CTNNA3: variants seen among roughly 807,000 people sequenced by gnomAD.
CTNNA3 encodes the protein catenin alpha 3.
Under a neutral mutation model 95.7 loss-of-function variants are expected in CTNNA3, and 76 were observed. The ratio of observed to expected loss-of-function variants is 0.79; its 90% confidence interval spans 0.66 to 0.96. The LOEUF (loss-of-function observed/expected upper bound fraction) is 0.96, where lower values mean the gene tolerates loss of function less well. Among genes scored for constraint, CTNNA3 ranks in the 40% least tolerant of loss-of-function variants. CTNNA3 has a pLI of 0.00. For synonymous variants in CTNNA3, 431 were observed against 374.4 expected (o/e 1.15, Z -1.74); for missense variants, 1,191 against 1,089.8 (o/e 1.09, Z -1.31).
chr10:67,051,841 G>A (rs373705761), intron 7 of CTNNA3, among the ~76,000 whole-genome samples: 1 of 151,636 alleles, frequency 6.6e-6, no homozygotes, highest in African/African-American at 2.4e-5. Flanking sequence ...TGCAACCTCT[G>A]CCTCAGGGGT....
At chr10:67,444,382 AAC>A (rs939392291) in intron 5 of CTNNA3, among the ~76,000 whole-genome samples, 1 of 152,130 alleles carries the variant, frequency 6.6e-6, no homozygotes, top group Non-Finnish European at 1.5e-5. Context: ...AAACCTGTAA[AAC>A]ACAGTGAAAG....
intron 3 of CTNNA3, among the ~76,000 whole-genome samples, chr10:67,580,965 C>T (rs1251756459): frequency 6.6e-6 from 1 of 152,070 alleles, no homozygotes; most frequent in Non-Finnish European, 1.5e-5. Flanking sequence ...TGGGCTGAGA[C>T]AATGGGGTTT....
chr10:66,793,237 G>A lies in CTNNA3; in HGVS notation c.1048-17713C>T, dbSNP rs115494861. The stretch of plus-strand genomic sequence containing the variant: ...CTCACTGCAGCCTCGACCTTCCCAG[G>A]TGCAGGTGATCCTCCCACCTTAGCC... On this transcript the variant is annotated intron_variant, in intron 7 of 17. Transcript: ENST00000433211. 4.6e-3 allele frequency among the ~76,000 whole-genome samples: 693 copies of A among 152,148 alleles called. 4 individuals carry two copies. The highest frequency in any genetic ancestry group is 0.016 in the African/African-American group (676 of 41,522).
At chr10:67,167,322 C>A (rs1308170593) in intron 7 of CTNNA3, among the ~76,000 whole-genome samples, 1 of 152,004 alleles carries the variant, frequency 6.6e-6, no homozygotes, top group Non-Finnish European at 1.5e-5. Flanking sequence ...GCTAGGAATG[C>A]AGCTCTATCA....
At chr10:66,420,408 T>C (rs1052387016) in intron 11 of CTNNA3, among the ~76,000 whole-genome samples, 3 of 152,116 alleles carry the variant, frequency 2.0e-5, no homozygotes, top group African/African-American at 7.2e-5. Flanking sequence ...TGTCTATTAT[T>C]AAAAACGCAG....
chr10:66,589,532 A>G (rs1843475507), intron 10 of CTNNA3, among the ~76,000 whole-genome samples: 1 of 152,120 alleles, frequency 6.6e-6, no homozygotes, highest in African/African-American at 2.4e-5. Flanking sequence ...TTGTGCATCA[A>G]CATCAAGGAG....
chr10:66,604,542 C>A (rs1755916673), intron 10 of CTNNA3, among the ~76,000 whole-genome samples: 1 of 152,122 alleles, frequency 6.6e-6, no homozygotes, highest in Non-Finnish European at 1.5e-5. Context: ...TTGGCTGACA[C>A]CACCCATCAG....
intron 13 of CTNNA3, among the ~76,000 whole-genome samples, chr10:66,269,421 T>C (rs1010528427): frequency 6.6e-6 from 1 of 152,188 alleles, no homozygotes. Flanking sequence ...AAAGAAGATA[T>C]ATAAAAATCC....
chr10:66,356,374 C>A (rs1021952809), intron 12 of CTNNA3, among the ~76,000 whole-genome samples: 1 of 151,546 alleles, frequency 6.6e-6, no homozygotes, highest in African/African-American at 2.4e-5. Context: ...CTTTGACTAG[C>A]GTTTTGTAGT....
intron 13 of CTNNA3, among the ~76,000 whole-genome samples, chr10:66,177,744 C>G (rs2085793565): frequency 6.6e-6 from 1 of 151,826 alleles, no homozygotes; most frequent in African/African-American, 2.4e-5. Flanking sequence ...CTGTGATTTA[C>G]CCAGAATCTA....
At chr10:66,475,046 T>C (rs1170375220) in intron 11 of CTNNA3, among the ~76,000 whole-genome samples, 2 of 152,030 alleles carry the variant, frequency 1.3e-5, no homozygotes, top group Non-Finnish European at 2.9e-5. Flanking sequence ...CTATTTCCAC[T>C]GCTGTAGAAG....
chr10:66,671,964 A>G (rs1846676695), intron 9 of CTNNA3, among the ~76,000 whole-genome samples: 1 of 152,176 alleles, frequency 6.6e-6, no homozygotes, highest in Non-Finnish European at 1.5e-5. Flanking sequence ...TTATTCTTGA[A>G]GTGATGTCCA....
intron 7 of CTNNA3, among the ~76,000 whole-genome samples, chr10:67,070,808 T>G (rs1856408208): frequency 6.6e-6 from 1 of 152,158 alleles, no homozygotes; most frequent in African/African-American, 2.4e-5. Context: ...ACAAAGATTT[T>G]TCTGCTATGT....
intron 5 of CTNNA3, among the ~76,000 whole-genome samples, chr10:67,419,606 TA>T (rs973620547): frequency 3.3e-5 from 5 of 152,274 alleles, no homozygotes; most frequent in East Asian, 1.9e-4. Flanking sequence ...ACAAATAAAT[TA>T]AAGCGCTTTC....
intron 7 of CTNNA3, among the ~76,000 whole-genome samples, chr10:67,082,188 C>A (rs2131882876): frequency 6.6e-6 from 1 of 152,220 alleles, no homozygotes; most frequent in East Asian, 1.9e-4. Flanking sequence ...AAAATTGGAT[C>A]TGCTACTCCT....
At chr10:65,938,901 T>C (rs374782451) in intron 17 of CTNNA3, among the ~76,000 whole-genome samples, 104 of 131,724 alleles carry the variant, frequency 7.9e-4, no homozygotes, top group African/African-American at 3.2e-3. Context: ...TTTTTTTTTT[T>C]CTCTTTTTTC....
At chr10:66,753,121 T>C (rs1447402978) in intron 9 of CTNNA3, among the ~76,000 whole-genome samples, 1 of 152,138 alleles carries the variant, frequency 6.6e-6, no homozygotes, top group Non-Finnish European at 1.5e-5. Context: ...AATTCAAGCC[T>C]GGACTAAGGG....
chr10:67,662,353 A>G (rs1175342970), intron 1 of CTNNA3, among the ~76,000 whole-genome samples: 1 of 152,208 alleles, frequency 6.6e-6, no homozygotes, highest in Non-Finnish European at 1.5e-5. Context: ...CTCGCAAAAT[A>G]TCTTATTTTG....
At chr10:66,369,299 C>T (rs537836833) in intron 12 of CTNNA3, among the ~76,000 whole-genome samples, 2 of 152,198 alleles carry the variant, frequency 1.3e-5, no homozygotes, top group South Asian at 2.1e-4. Context: ...CAGTGGAAAC[C>T]GCTTTCCAGC....
Sources: allele counts gnomAD v4.1 joint callset (sites outside exome capture counted in the v4.1 genomes callset), GRCh38; gene constraint gnomAD v4.1.1; transcripts MANE v1.5; gene names NCBI Gene and HGNC (gene_info 2026-07-23, HGNC 2026-07-21).